The following DCDC2 variants were observed in gnomAD, a reference collection of about 807,000 sequenced individuals.
The protein encoded by DCDC2 is doublecortin domain containing 2.
A neutral mutation model predicts 50.2 loss-of-function variants in DCDC2; 40 were observed. The observed-to-expected ratio is 0.80, with a 90% CI of 0.62 to 1.04. DCDC2 has a LOEUF of 1.04. Ranked by LOEUF, DCDC2 falls within the 50% of genes least tolerant of loss-of-function variation. The pLI is 0.00. For missense variants in DCDC2, 570 were observed against 581.9 expected, an observed-to-expected ratio of 0.98 and a Z score of 0.21; for synonymous variants, 234 against 210.6, an observed-to-expected ratio of 1.11 and a Z score of -0.96.
intron 8 of DCDC2, among the ~76,000 whole-genome samples, chr6:24,203,611 T>C (rs1193867113): frequency 6.6e-6 from 1 of 151,616 alleles, no homozygotes; most frequent in Admixed American, 6.6e-5. Context: ...CCAAAAGCAA[T>C]GGCAACAAAA....
chr6:24,275,421 T>C (rs1763329955), intron 7 of DCDC2, among the ~76,000 whole-genome samples: 1 of 152,178 alleles, frequency 6.6e-6, no homozygotes, highest in Non-Finnish European at 1.5e-5. Flanking sequence ...CCTTTTTCAT[T>C]TTTCCTGGAA....
chr6:24,288,530 A>G (rs993937668), intron 6 of DCDC2, among the ~76,000 whole-genome samples: 1 of 152,236 alleles, frequency 6.6e-6, no homozygotes, highest in African/African-American at 2.4e-5. Flanking sequence ...AAAGATAGAA[A>G]CCAAGACTGG....
At chr6:24,273,541 C>G (rs1339388821) in intron 7 of DCDC2, among the ~76,000 whole-genome samples, 1 of 152,166 alleles carries the variant, frequency 6.6e-6, no homozygotes, top group Non-Finnish European at 1.5e-5. Context: ...ACTAGTGTGC[C>G]ACTTGGTGAT....
intron 8 of DCDC2, among the ~76,000 whole-genome samples, chr6:24,180,142 A>G (rs1396049499): frequency 6.6e-6 from 1 of 152,056 alleles, no homozygotes; most frequent in Non-Finnish European, 1.5e-5. Context: ...AGATTAAAGA[A>G]AAGTTATATA....
chr6:24,270,719 A>G (rs143193155), intron 7 of DCDC2, among the ~76,000 whole-genome samples: 9 of 152,246 alleles, frequency 5.9e-5, no homozygotes, highest in African/African-American at 2.2e-4. Context: ...GTCACCCTCT[A>G]TGATAGGCAT....
At chr6:24,310,733 C>T (rs532349831) in intron 2 of DCDC2, among the ~76,000 whole-genome samples, 46 of 152,136 alleles carry the variant, frequency 3.0e-4, no homozygotes, top group Non-Finnish European at 5.9e-4. Flanking sequence ...CTGTCTATAC[C>T]TAAACAGTCA....
At position 24,301,954 on chromosome 6, in the gene DCDC2, G is replaced by T. The variant is rs77544788; in HGVS notation, c.425+14C>A. On this transcript the variant is annotated intron_variant, in intron 3 of 9. Coordinates refer to ENST00000378454, the MANE Select transcript of DCDC2 (RefSeq NM_016356.5). ...AGCCAATTTTAACTTGAAGTATAAA[G>T]GGTTTCAACTTACAAGATAGTGCAC... 748 of 1,613,070 alleles carry T rather than the reference G, an allele frequency of 4.6e-4. 3 individuals are homozygous for T. The African/African-American group carries it at 8.6e-3, about 19-fold the overall frequency.
chr6:24,320,033 G>A (rs961570198), intron 2 of DCDC2, among the ~76,000 whole-genome samples: 2 of 152,082 alleles, frequency 1.3e-5, no homozygotes, highest in African/African-American at 4.8e-5. Context: ...TTGGGAAAAC[G>A]GTATTCTTAC....
intron 2 of DCDC2, among the ~76,000 whole-genome samples, chr6:24,314,860 T>G (rs905226574): frequency 2.0e-5 from 3 of 152,188 alleles, no homozygotes; most frequent in Middle Eastern, 3.2e-3. Context: ...TGCTGCTAAC[T>G]TGCATTGTTC....
At chr6:24,324,397 G>T (rs530349183) in intron 2 of DCDC2, among the ~76,000 whole-genome samples, 30 of 152,280 alleles carry the variant, frequency 2.0e-4, no homozygotes, top group Non-Finnish European at 2.6e-4. Flanking sequence ...AACACATAAA[G>T]AAATAAAATC....
intron 2 of DCDC2, among the ~76,000 whole-genome samples, chr6:24,303,562 A>G (rs1272443410): frequency 1.3e-5 from 2 of 152,214 alleles, no homozygotes; most frequent in Admixed American, 1.3e-4. Context: ...TCTGTCTCAA[A>G]CTGCTACAGC....
the DCDC2 span, among the ~76,000 whole-genome samples, chr6:24,367,056 G>C: frequency 6.6e-6 from 1 of 151,996 alleles, no homozygotes; most frequent in Non-Finnish European, 1.5e-5. Flanking sequence ...GGCTGGTCTT[G>C]AACTCCTGGT....
rs773832570 is a variant in DCDC2 at position 24,178,415 on chromosome 6, T to G, written c.1241A>C (p.Glu414Ala). Residue 414 changes from glutamate (E) to alanine (A), a missense_variant, in exon 9 of 10, where the codon GAG becomes GCG. Physicochemically the swap from Glu to Ala is moderately radical, Grantham distance 107 (BLOSUM62 -1). Coordinates refer to ENST00000378454, the MANE Select transcript of DCDC2 (RefSeq NM_016356.5). ...CTCATTATTAACCTGCTGCAGCTCCTCACCATTCTCCTCATCGGTGCCTCC... is the reference window on the plus strand; with the variant it reads ...CTCATTATTAACCTGCTGCAGCTCCGCACCATTCTCCTCATCGGTGCCTCC... Reference protein sequence around the residue: ...VNGGTDEENGEELQQVNNELQ... With the variant: ...VNGGTDEENGAELQQVNNELQ... 6.8e-6 allele frequency: 11 copies of G among 1,614,210 alleles called. No homozygotes were observed. The Admixed American group carries it at 1.2e-4, about 17-fold the overall frequency.
chr6:24,275,804 C>A (rs1261806827), intron 7 of DCDC2, among the ~76,000 whole-genome samples: 2 of 151,454 alleles, frequency 1.3e-5, no homozygotes, highest in African/African-American at 4.9e-5. Flanking sequence ...TCATGCCCAC[C>A]AACACAAATG....
At chr6:24,344,967 T>C (rs1156270924) in intron 2 of DCDC2, among the ~76,000 whole-genome samples, 2 of 152,178 alleles carry the variant, frequency 1.3e-5, no homozygotes, top group African/African-American at 2.4e-5. Context: ...TTTGGAAGAA[T>C]TTGCAAAAGT....
chr6:24,310,383 A>C (rs1759550412), intron 2 of DCDC2, among the ~76,000 whole-genome samples: 1 of 152,160 alleles, frequency 6.6e-6, no homozygotes, highest in Non-Finnish European at 1.5e-5. Context: ...GAAAATACTA[A>C]CTGCATAACT....
At chr6:24,198,742 A>T (rs1761506709) in intron 8 of DCDC2, among the ~76,000 whole-genome samples, 1 of 152,198 alleles carries the variant, frequency 6.6e-6, no homozygotes, top group South Asian at 2.1e-4. Flanking sequence ...GAGCCCCAGC[A>T]AGCTAAGATC....
chr6:24,297,767 A>C (rs1475453292), intron 4 of DCDC2, among the ~76,000 whole-genome samples: 1 of 152,196 alleles, frequency 6.6e-6, no homozygotes, highest in Non-Finnish European at 1.5e-5. Context: ...AATCCAACAA[A>C]ATCAAAGGTT....
At chr6:24,349,092 C>T (rs1368417122) in intron 2 of DCDC2, among the ~76,000 whole-genome samples, 1 of 152,182 alleles carries the variant, frequency 6.6e-6, no homozygotes, top group Non-Finnish European at 1.5e-5. Context: ...GGATGTACTA[C>T]ATGGATGAGA....
Sources: allele counts gnomAD v4.1 joint callset (sites outside exome capture counted in the v4.1 genomes callset), GRCh38; gene constraint gnomAD v4.1.1; transcripts MANE v1.5; gene names NCBI Gene and HGNC (gene_info 2026-07-23, HGNC 2026-07-21).